The following GRIK2 variants were observed in gnomAD, a reference collection of about 807,000 sequenced individuals.
The protein encoded by GRIK2 is glutamate receptor ionotropic, kainate 2.
In GRIK2, 32 loss-of-function variants were observed where a neutral mutation model predicts 100.3. The ratio of observed to expected loss-of-function variants is 0.32; its 90% confidence interval spans 0.24 to 0.43. The LOEUF (loss-of-function observed/expected upper bound fraction) is 0.43. Ranked by LOEUF, GRIK2 falls within the 20% of genes least tolerant of loss-of-function variation. GRIK2 has a pLI of 1.00. For missense variants in GRIK2, 843 were observed against 1,114.9 expected, an observed-to-expected ratio of 0.76 and a Z score of 3.47; for synonymous variants, 417 against 389.4, an observed-to-expected ratio of 1.07 and a Z score of -0.83.
At chr6:101,799,046 T>G (rs775090374) in intron 7 of GRIK2, among the ~76,000 whole-genome samples, 7 of 152,074 alleles carry the variant, frequency 4.6e-5, no homozygotes, top group Admixed American at 6.6e-5. Context: ...GCTATTGAGA[T>G]TCAAAACTAC....
chr6:101,464,267 G>T (rs1771494025), intron 2 of GRIK2, among the ~76,000 whole-genome samples: 1 of 152,068 alleles, frequency 6.6e-6, no homozygotes, highest in Non-Finnish European at 1.5e-5. Context: ...TAAGGAGAGG[G>T]TCCATGGCTT....
chr6:101,397,901 T>G (rs899589557), intron 1 of GRIK2, among the ~76,000 whole-genome samples: 1 of 152,052 alleles, frequency 6.6e-6, no homozygotes, highest in Non-Finnish European at 1.5e-5. Flanking sequence ...CAAGTTAGTT[T>G]TACTTAGTGT....
intron 12 of GRIK2, among the ~76,000 whole-genome samples, chr6:101,922,093 T>TTCCTTCCC: frequency 4.0e-5 from 1 of 24,986 alleles, no homozygotes; most frequent in South Asian, 1.2e-3. Flanking sequence ...CCTTCCTTCC[T>TTCCTTCCC]TCCTTCCTTC....
At chr6:101,670,754 AT>A (rs1770372918) in intron 4 of GRIK2, among the ~76,000 whole-genome samples, 1 of 152,188 alleles carries the variant, frequency 6.6e-6, no homozygotes, top group African/African-American at 2.4e-5. Flanking sequence ...TAGCTAGTAC[AT>A]TTTTAATACA....
At chr6:101,839,701 C>G (rs1232461680) in intron 10 of GRIK2, among the ~76,000 whole-genome samples, 3 of 151,640 alleles carry the variant, frequency 2.0e-5, no homozygotes, top group African/African-American at 7.3e-5. Context: ...ATGGAAGACT[C>G]TAAAGGGATG....
In GRIK2 at chr6:101,411,446, A is replaced by G. The variant is rs139040847; in HGVS notation, c.115+12054A>G. Among the ~76,000 whole-genome samples the G allele has an allele frequency of 9.2e-5, 14 of 152,242 alleles. No homozygotes were observed. The East Asian group carries it at 2.7e-3, about 29-fold the overall frequency. On this transcript the variant is annotated intron_variant, in intron 2 of 16. Coordinates refer to ENST00000369134, the MANE Select transcript of GRIK2 (RefSeq NM_021956.5). ...TTACTAGATTTAGTTAGCATGTTAC[A>G]AGTGCATAACTGCATAGTTCTATGT...
chr6:101,549,269 T>A (rs1776394788), intron 2 of GRIK2, among the ~76,000 whole-genome samples: 1 of 84,632 alleles, frequency 1.2e-5, no homozygotes, highest in South Asian at 4.5e-4. Context: ...TTAGTAGTGA[T>A]GAACTGAAAA....
chr6:101,984,655 A>ACAAC (rs369665252), intron 14 of GRIK2, among the ~76,000 whole-genome samples: 1 of 148,640 alleles, frequency 6.7e-6, no homozygotes, highest in Non-Finnish European at 1.5e-5. Flanking sequence ...ACACACACAC[A>ACAAC]CCCTTCAACT....
At chr6:101,931,668 T>TC (rs1790294526) in intron 14 of GRIK2, among the ~76,000 whole-genome samples, 1 of 151,438 alleles carries the variant, frequency 6.6e-6, no homozygotes, top group Admixed American at 6.6e-5. Flanking sequence ...TTCCTTCTTT[T>TC]TTCTATATCC....
chr6:101,472,168 G>A (rs1185707198), intron 2 of GRIK2, among the ~76,000 whole-genome samples: 2 of 151,584 alleles, frequency 1.3e-5, no homozygotes, highest in African/African-American at 4.8e-5. Flanking sequence ...TTTTTCAGAT[G>A]GCATGCTTGT....
At chr6:101,850,965 G>A (rs1440884496) in intron 10 of GRIK2, among the ~76,000 whole-genome samples, 2 of 152,082 alleles carry the variant, frequency 1.3e-5, no homozygotes, top group African/African-American at 4.8e-5. Context: ...AGAGCTTAAA[G>A]GAGAGTCATA....
chr6:101,409,800 G>GA (rs11407177), intron 2 of GRIK2, among the ~76,000 whole-genome samples: 2,192 of 151,206 alleles, frequency 0.014, 55 homozygotes, highest in African/African-American at 0.051. Context: ...TTTTAGAGTT[G>GA]AAAAAAAATT....
At chr6:101,830,491 C>T (rs890796194) in intron 10 of GRIK2, among the ~76,000 whole-genome samples, 3 of 151,686 alleles carry the variant, frequency 2.0e-5, no homozygotes, top group Admixed American at 1.3e-4. Context: ...AGATTAATAT[C>T]CAGAATCTAA....
intron 2 of GRIK2, among the ~76,000 whole-genome samples, chr6:101,604,921 T>C (rs760669851): frequency 6.6e-6 from 1 of 151,918 alleles, no homozygotes; most frequent in East Asian, 1.9e-4. Flanking sequence ...GTGTAGAAAT[T>C]TGGAGAAACG....
chr6:101,521,828 A>G (rs918270222), intron 2 of GRIK2, among the ~76,000 whole-genome samples: 2 of 152,000 alleles, frequency 1.3e-5, no homozygotes, highest in Admixed American at 1.3e-4. Flanking sequence ...AAATAACCAA[A>G]TAGAAAAAGT....
chr6:101,618,432 A>G (rs1020637244), intron 2 of GRIK2, among the ~76,000 whole-genome samples: 1 of 151,794 alleles, frequency 6.6e-6, no homozygotes, highest in Non-Finnish European at 1.5e-5. Context: ...TTCTGAACAT[A>G]GTATTTCTCC....
intron 4 of GRIK2, among the ~76,000 whole-genome samples, chr6:101,670,296 C>A (rs1290911423): frequency 6.6e-6 from 1 of 151,978 alleles, no homozygotes; most frequent in African/African-American, 2.4e-5. Flanking sequence ...ACATTTTACT[C>A]AAATTTTTAA....
intron 10 of GRIK2, among the ~76,000 whole-genome samples, chr6:101,825,690 A>G (rs974698708): frequency 3.3e-5 from 5 of 152,124 alleles, no homozygotes; most frequent in African/African-American, 1.2e-4. Context: ...TGTCAATACT[A>G]AAATGGTTGA....
intron 14 of GRIK2, among the ~76,000 whole-genome samples, chr6:101,955,840 G>T (rs978301728): frequency 6.6e-6 from 1 of 151,748 alleles, no homozygotes; most frequent in African/African-American, 2.4e-5. Flanking sequence ...TCTTTTCAAA[G>T]ACTTGGCTTT....
Sources: allele counts gnomAD v4.1 joint callset (sites outside exome capture counted in the v4.1 genomes callset), GRCh38; gene constraint gnomAD v4.1.1; transcripts MANE v1.5; gene names NCBI Gene and HGNC (gene_info 2026-07-23, HGNC 2026-07-21).